Variants in SLC25A26 observed in about 807,000 individuals in gnomAD.
SLC25A26 encodes solute carrier family 25 member 26, also known as mitochondrial S-adenosylmethionine carrier protein.
In SLC25A26, 36 loss-of-function variants were observed where a neutral mutation model predicts 37.8. The ratio of observed to expected loss-of-function variants is 0.95; its 90% CI spans 0.73 to 1.26. The LOEUF is 1.26. Ranked by LOEUF, SLC25A26 falls within the 50% of genes most tolerant of loss-of-function variation. The probability of loss-of-function intolerance (pLI) is 0.00; values close to 1 mark genes in which losing one functional copy is unlikely to be tolerated. For missense variants in SLC25A26, 390 were observed against 331.1 expected, an observed-to-expected ratio of 1.18 and a Z score of -1.38; for synonymous variants, 129 against 122.5, an observed-to-expected ratio of 1.05 and a Z score of -0.35.
intron 5 of SLC25A26, among the ~76,000 whole-genome samples, chr3:66,303,097 G>A (rs2075121508): frequency 6.6e-6 from 1 of 152,176 alleles, no homozygotes; most frequent in Admixed American, 6.5e-5. Flanking sequence ...GAAAGATGCA[G>A]AAGACATTAT....
intron 2 of SLC25A26, among the ~76,000 whole-genome samples, chr3:66,240,280 A>G (rs2072510881): frequency 6.6e-6 from 1 of 152,098 alleles, no homozygotes; most frequent in Admixed American, 6.6e-5. Flanking sequence ...TGCAGTTATG[A>G]TTTAACACTA....
chr3:66,146,356 T>A (rs1388488161), intron 1 of SLC25A26, among the ~76,000 whole-genome samples: 1 of 151,030 alleles, frequency 6.6e-6, no homozygotes, highest in Non-Finnish European at 1.5e-5. Flanking sequence ...AAAAAAAAGA[T>A]AAAAATCTAA....
intron 1 of SLC25A26, among the ~76,000 whole-genome samples, chr3:66,222,279 C>G (rs551757252): frequency 4.0e-5 from 6 of 150,904 alleles, no homozygotes; most frequent in South Asian, 4.2e-4. Context: ...CTCTCGGGTT[C>G]ACGCCATTCT....
intron 6 of SLC25A26, among the ~76,000 whole-genome samples, chr3:66,354,460 TATA>T (rs1216127064): frequency 5.9e-5 from 9 of 152,222 alleles, no homozygotes; most frequent in Non-Finnish European, 1.3e-4. Flanking sequence ...GTTCAATGTA[TATA>T]ATAATTACTT....
chr3:66,374,818 T>G (rs1559752668), intron 9 of SLC25A26, among the ~76,000 whole-genome samples: 2 of 151,620 alleles, frequency 1.3e-5, no homozygotes, highest in Non-Finnish European at 2.9e-5. Context: ...CAGGTAGAGG[T>G]TGCTGTGGGC....
In SLC25A26 at chr3:66,297,993, A is replaced by G. The variant is rs530206069; in HGVS notation, c.453+34614A>G. Among the ~76,000 whole-genome samples, 4 of 152,366 alleles carry G rather than the reference A, an allele frequency of 2.6e-5. No individual in the cohort carries two copies. In the South Asian group the frequency reaches 8.3e-4, roughly 32 times the overall value. On this transcript the variant is annotated intron_variant, in intron 5 of 9. Transcript: ENST00000354883. ...TATGAAAAGAAGGAAAATACTGAGT[A>G]GATCATTGGTTCCCAAAGTACAGTC...
intron 7 of SLC25A26, among the ~76,000 whole-genome samples, chr3:66,364,184 C>A (rs1408606167): frequency 6.6e-6 from 1 of 151,756 alleles, no homozygotes; most frequent in Admixed American, 6.6e-5. Context: ...CTTGAATACC[C>A]AATTCAAAGA....
intron 6 of SLC25A26, among the ~76,000 whole-genome samples, chr3:66,360,500 C>A (rs1437782285): frequency 6.6e-6 from 1 of 151,822 alleles, no homozygotes; most frequent in East Asian, 1.9e-4. Context: ...ATTTGATGAG[C>A]TTTATAAAAA....
Position 66,221,014 on chromosome 3 carries a change from A to C in SLC25A26, c.-81A>C. On this transcript the variant is annotated 5_prime_UTR_variant, in exon 1 of 10. Transcript: ENST00000354883. ...GAAGTTCAAGACAGACCCGCCTCAAACATGGCGGCGCCCAGCGCGCGAGGA... is the reference window on the plus strand; with the variant it reads ...GAAGTTCAAGACAGACCCGCCTCAACCATGGCGGCGCCCAGCGCGCGAGGA... The C allele has an allele frequency of 6.8e-7, 1 of 1,463,582 alleles. No homozygotes were observed. Among genetic ancestry groups the C allele is most frequent in the Non-Finnish European group, 9.3e-7 (1 of 1,080,664 alleles). 90.7% of individuals were successfully genotyped at this position (1,463,582 alleles called of 1,614,324 possible).
At chr3:66,341,708 A>G (rs1020007518) in intron 5 of SLC25A26, among the ~76,000 whole-genome samples, 1 of 152,142 alleles carries the variant, frequency 6.6e-6, no homozygotes, top group Non-Finnish European at 1.5e-5. Context: ...GAATGTTAAT[A>G]TGTTTTTATT....
intron 5 of SLC25A26, among the ~76,000 whole-genome samples, chr3:66,326,083 A>T (rs906800367): frequency 1.3e-5 from 2 of 152,158 alleles, no homozygotes; most frequent in African/African-American, 4.8e-5. Context: ...GCCAAGAAGG[A>T]TCCACAGATT....
chr3:66,221,093 C>G lies in SLC25A26; in HGVS notation c.-2C>G. The G allele has an allele frequency of 6.5e-7, 1 of 1,534,100 alleles. No homozygotes were observed. The highest frequency in any genetic ancestry group is 8.7e-7 in the Non-Finnish European group (1 of 1,145,402). On this transcript the variant is annotated 5_prime_UTR_variant, in exon 1 of 10. Coordinates refer to ENST00000354883, the MANE Select transcript of SLC25A26 (RefSeq NM_001379210.1). The stretch of plus-strand genomic sequence containing the variant: ...TGTAGCCTTGACGAGGTCTGAGCGA[C>G]CATGGACCGGCCGGGGTTCGTGGCA...
At chr3:66,282,445 C>T (rs2074379497) in intron 5 of SLC25A26, among the ~76,000 whole-genome samples, 1 of 132,816 alleles carries the variant, frequency 7.5e-6, no homozygotes, top group East Asian at 1.9e-4. Context: ...TGTGCCAGGC[C>T]CCCATTAGTC....
intron 1 of SLC25A26, among the ~76,000 whole-genome samples, chr3:66,183,130 C>G (rs2070748518): frequency 6.6e-6 from 1 of 152,088 alleles, no homozygotes; most frequent in South Asian, 2.1e-4. Flanking sequence ...AGACTCTGAC[C>G]CACACCCTGA....
intron 1 of SLC25A26, among the ~76,000 whole-genome samples, chr3:66,223,652 GAA>G (rs1230407427): frequency 2.0e-5 from 3 of 152,168 alleles, no homozygotes; most frequent in Non-Finnish European, 4.4e-5. Flanking sequence ...GATGATTGCT[GAA>G]GTCTTGAAAC....
intron 7 of SLC25A26, among the ~76,000 whole-genome samples, chr3:66,369,259 C>T (rs1700212769): frequency 6.6e-6 from 1 of 152,152 alleles, no homozygotes; most frequent in African/African-American, 2.4e-5. Flanking sequence ...TTGTATTTTT[C>T]ACCTGAGTGG....
At chr3:66,235,632 C>T (rs1034828246) in intron 1 of SLC25A26, among the ~76,000 whole-genome samples, 14 of 152,120 alleles carry the variant, frequency 9.2e-5, no homozygotes, top group Admixed American at 8.5e-4. Flanking sequence ...GGAGTCAATT[C>T]GGATTCACTG....
At chr3:66,260,069 C>G (rs1465538523) in intron 3 of SLC25A26, among the ~76,000 whole-genome samples, 1 of 152,172 alleles carries the variant, frequency 6.6e-6, no homozygotes, top group Non-Finnish European at 1.5e-5. Context: ...TTCCACCTTT[C>G]TTGCCAGCTC....
At chr3:66,154,915 A>G (rs2070261037) in intron 1 of SLC25A26, among the ~76,000 whole-genome samples, 1 of 152,266 alleles carries the variant, frequency 6.6e-6, no homozygotes, top group Non-Finnish European at 1.5e-5. Context: ...AGTATGTATC[A>G]GCTCTTCAAT....
Sources: gnomAD v4.1 joint callset for allele counts (sites outside exome capture counted in the v4.1 genomes callset) on GRCh38, gnomAD v4.1.1 for gene constraint, MANE v1.5 for transcripts, NCBI Gene and HGNC (gene_info 2026-07-23, HGNC 2026-07-21) for gene names.